SPATA16: variants seen among roughly 807,000 people sequenced by gnomAD.
The protein encoded by SPATA16 is spermatogenesis associated 16, also known as spermatogenesis-associated protein 16.
A neutral mutation model predicts 63.3 loss-of-function variants in SPATA16; 36 were observed. The ratio of observed to expected loss-of-function variants is 0.57; its 90% CI spans 0.44 to 0.75. SPATA16 has a LOEUF of 0.75. SPATA16 is among the 30% of genes least tolerant of loss of function. The pLI, the probability that SPATA16 is intolerant of heterozygous loss-of-function variation, is 0.00. For synonymous variants in SPATA16, 203 were observed against 216.7 expected, an observed-to-expected ratio of 0.94 and a Z score of 0.56; for missense variants, 646 against 679.3, an observed-to-expected ratio of 0.95 and a Z score of 0.54.
At chr3:173,060,665 A>C (rs1736357977) in intron 2 of SPATA16, among the ~76,000 whole-genome samples, 1 of 152,208 alleles carries the variant, frequency 6.6e-6, no homozygotes, top group Non-Finnish European at 1.5e-5. Flanking sequence ...TACAGGTATA[A>C]AACTCTGTGC....
chr3:173,040,758 C>T (rs1267486651), intron 3 of SPATA16, among the ~76,000 whole-genome samples: 3 of 152,118 alleles, frequency 2.0e-5, no homozygotes, highest in Non-Finnish European at 2.9e-5. Context: ...GTTTATTTGC[C>T]AGGGAAATGG....
intron 5 of SPATA16, among the ~76,000 whole-genome samples, chr3:172,965,481 T>C (rs1474094113): frequency 6.6e-6 from 1 of 152,050 alleles, no homozygotes; most frequent in East Asian, 1.9e-4. Flanking sequence ...TCAAGAGAAA[T>C]GAGTGTATCT....
chr3:173,076,484 A>G (rs1736806681), intron 2 of SPATA16, among the ~76,000 whole-genome samples: 1 of 152,060 alleles, frequency 6.6e-6, no homozygotes, highest in Admixed American at 6.6e-5. Flanking sequence ...TGCTATAGTG[A>G]GTAAGACTTT....
chr3:173,052,584 T>A (rs949224248), intron 2 of SPATA16, among the ~76,000 whole-genome samples: 1 of 152,194 alleles, frequency 6.6e-6, no homozygotes, highest in African/African-American at 2.4e-5. Flanking sequence ...TGTGTTGAAG[T>A]TAAAGGTAGA....
intron 2 of SPATA16, among the ~76,000 whole-genome samples, chr3:173,050,179 T>A (rs1736052827): frequency 6.6e-6 from 1 of 152,208 alleles, no homozygotes; most frequent in South Asian, 2.1e-4. Context: ...TGTCATTTTT[T>A]AAATGCAGTT....
chr3:173,101,945 TC>T (rs1296517529), intron 2 of SPATA16, among the ~76,000 whole-genome samples: 3 of 152,196 alleles, frequency 2.0e-5, no homozygotes, highest in Admixed American at 6.5e-5. Context: ...CACCCTGTCA[TC>T]ATTAATCACA....
intron 2 of SPATA16, among the ~76,000 whole-genome samples, chr3:173,079,881 TTATTAGTGAGGA>T (rs1276443407): frequency 6.6e-6 from 1 of 152,090 alleles, no homozygotes; most frequent in African/African-American, 2.4e-5. Flanking sequence ...AAATGTGGAA[TTATTAGTGAGGA>T]TATGTAAAGG....
rs1304938902 is a variant in SPATA16, at chr3:173,141,162, A to G, written c.-78T>C. On this transcript the variant is annotated 5_prime_UTR_variant, in exon 1 of 11. Transcript: ENST00000351008. ...GCGAAGCTCTGGACTCCTCCCAGCCACAGCATCTGCCAACACCGGCTTCCC... is the reference window on the plus strand; with the variant it reads ...GCGAAGCTCTGGACTCCTCCCAGCCGCAGCATCTGCCAACACCGGCTTCCC... 6.6e-6 allele frequency: 1 copy of G among 152,296 alleles called. No homozygotes were observed. The highest frequency in any genetic ancestry group is 1.5e-5 in the Non-Finnish European group (1 of 68,112). The allele number at this position is 152,296 out of a possible 1,614,324, so 9.4% of individuals were successfully genotyped here.
At chr3:172,962,087 A>T (rs930988347) in intron 5 of SPATA16, among the ~76,000 whole-genome samples, 32 of 151,906 alleles carry the variant, frequency 2.1e-4, no homozygotes, top group African/African-American at 7.7e-4. Context: ...ACCCTGTCTC[A>T]AATAAAAATA....
intron 8 of SPATA16, among the ~76,000 whole-genome samples, chr3:172,920,313 C>T (rs559294289): frequency 7.3e-4 from 111 of 152,278 alleles, no homozygotes; most frequent in Non-Finnish European, 1.3e-3. Flanking sequence ...ATGTGCTTCT[C>T]CTAAACCATA....
chr3:172,953,357 CAT>C (rs1733494063), intron 6 of SPATA16, among the ~76,000 whole-genome samples: 1 of 152,120 alleles, frequency 6.6e-6, no homozygotes. Context: ...GGCAGAGTAA[CAT>C]AGCCAGTTGA....
intron 4 of SPATA16, among the ~76,000 whole-genome samples, chr3:172,988,079 G>A (rs1180235070): frequency 6.6e-6 from 1 of 152,152 alleles, no homozygotes; most frequent in African/African-American, 2.4e-5. Context: ...AAGAGGGAGA[G>A]AGTGAGGAAA....
chr3:173,080,264 G>C (rs1736894086), intron 2 of SPATA16, among the ~76,000 whole-genome samples: 1 of 152,146 alleles, frequency 6.6e-6, no homozygotes, highest in Non-Finnish European at 1.5e-5. Flanking sequence ...CTTTCAGAAG[G>C]GAGGAATCAA....
intron 2 of SPATA16, among the ~76,000 whole-genome samples, chr3:173,077,969 G>A (rs1366013107): frequency 6.6e-6 from 1 of 151,942 alleles, no homozygotes; most frequent in Non-Finnish European, 1.5e-5. Flanking sequence ...AAACCCATGA[G>A]GAAATGTGAT....
intron 10 of SPATA16, among the ~76,000 whole-genome samples, chr3:172,896,624 T>C (rs1193714170): frequency 6.6e-6 from 1 of 152,230 alleles, no homozygotes; most frequent in Non-Finnish European, 1.5e-5. Flanking sequence ...GTATTGTCAT[T>C]ATTGCTTATT....
chr3:173,120,661 T>G (rs1176219368), intron 1 of SPATA16, among the ~76,000 whole-genome samples: 1 of 152,178 alleles, frequency 6.6e-6, no homozygotes, highest in African/African-American at 2.4e-5. Context: ...AAGTTATCTT[T>G]ATAGCCATTT....
At chr3:173,091,120 G>C (rs1427213087) in intron 2 of SPATA16, among the ~76,000 whole-genome samples, 2 of 152,096 alleles carry the variant, frequency 1.3e-5, no homozygotes, top group African/African-American at 2.4e-5. Context: ...AAAGATGATA[G>C]GGCATATTTC....
intron 6 of SPATA16, among the ~76,000 whole-genome samples, chr3:172,955,383 T>C (rs966119774): frequency 2.0e-5 from 3 of 152,126 alleles, no homozygotes; most frequent in Non-Finnish European, 2.9e-5. Flanking sequence ...GCATACACCC[T>C]CCAAAAAATC....
intron 5 of SPATA16, among the ~76,000 whole-genome samples, chr3:172,973,319 G>C (rs1734088187): frequency 6.6e-6 from 1 of 151,980 alleles, no homozygotes; most frequent in Non-Finnish European, 1.5e-5. Context: ...AAATGAATTA[G>C]ATTCTCAGAG....
Sources: allele counts gnomAD v4.1 joint callset (sites outside exome capture counted in the v4.1 genomes callset), GRCh38; gene constraint gnomAD v4.1.1; transcripts MANE v1.5; gene names NCBI Gene and HGNC (gene_info 2026-07-23, HGNC 2026-07-21).